Variants in SIRT3 observed in about 807,000 individuals in gnomAD.
SIRT3 encodes NAD-dependent protein deacetylase sirtuin-3, mitochondrial.
A neutral mutation model predicts 33.5 loss-of-function variants in SIRT3; 26 were observed. The ratio of observed to expected loss-of-function variants is 0.78; its 90% CI spans 0.57 to 1.08. The LOEUF is 1.08. Among genes scored for constraint, SIRT3 ranks in the 50% least tolerant of loss-of-function variants. The probability of loss-of-function intolerance (pLI) is 0.00; values close to 1 mark genes in which losing one functional copy is unlikely to be tolerated. For missense variants in SIRT3, 585 were observed against 530.1 expected (o/e 1.10, Z -1.02); for synonymous variants, 237 against 222.1 (o/e 1.07, Z -0.60).
chr11:233,175 C>G lies in SIRT3; in HGVS notation c.514G>C (p.Asp172His), dbSNP rs766584758. 1.9e-6 allele frequency: 3 copies of G among 1,613,922 alleles called. No individual in the cohort carries two copies. Among genetic ancestry groups the G allele is most frequent in the South Asian group, 2.2e-5 (2 of 91,078 alleles). ...SGLYSNLQQY[D>H]LPYPEAIFEL... Reference sequence around the variant, plus strand: ...AAAATGGCCTCGGGGTACGGGAGATCGTACTGCTGGAGGTTGCTGTACAGG... The same window carrying G: ...AAAATGGCCTCGGGGTACGGGAGATGGTACTGCTGGAGGTTGCTGTACAGG... The change falls in exon 3 of 7, where the codon GAT becomes CAT. Residue 172 changes from aspartate to histidine, a missense_variant. By Grantham distance (81) the Asp-to-His change is moderately conservative. Coordinates refer to ENST00000382743, the MANE Select transcript of SIRT3 (RefSeq NM_012239.6).
At chr11:234,659 CCCGTCTCGG>C (rs1421831937) in intron 1 of SIRT3, among the ~76,000 whole-genome samples, 1 of 152,206 alleles carries the variant, frequency 6.6e-6, no homozygotes, top group Non-Finnish European at 1.5e-5. Flanking sequence ...TCGTGATCCG[CCCGTCTCGG>C]CCTTCCAAAG....
At chr11:229,059 A>G (rs1005068560) in intron 4 of SIRT3, among the ~76,000 whole-genome samples, 2 of 152,240 alleles carry the variant, frequency 1.3e-5, no homozygotes, top group Non-Finnish European at 2.9e-5. Context: ...TAAAAAATGG[A>G]AAGTAAGTGT....
chr11:233,570 T>C lies in SIRT3; in HGVS notation c.282-36A>G, dbSNP rs201637804. The C allele has an allele frequency of 1.2e-5, 20 of 1,602,894 alleles. No homozygotes were observed. The South Asian group carries it at 1.9e-4, about 15-fold the overall frequency. On this transcript the variant is annotated intron_variant, in intron 1 of 6. Coordinates refer to ENST00000382743, the MANE Select transcript of SIRT3 (RefSeq NM_012239.6). Reference sequence around the variant, plus strand: ...AAAACACAGCAGCAAAGGAAACAGATAGCAACCAATCTCAGGATAGCAAGA... The same window carrying C: ...AAAACACAGCAGCAAAGGAAACAGACAGCAACCAATCTCAGGATAGCAAGA...
At chr11:231,110 G>A (rs1222461550) in intron 3 of SIRT3, among the ~76,000 whole-genome samples, 1 of 136,912 alleles carries the variant, frequency 7.3e-6, no homozygotes, top group African/African-American at 2.8e-5. Context: ...GGGTAAGAGA[G>A]CGAGATTCTG....
intron 6 of SIRT3, 38 bp downstream of exon 6, chr11:218,794 G>A: frequency 6.2e-7 from 1 of 1,614,028 alleles, no homozygotes; most frequent in Non-Finnish European, 8.5e-7. Context: ...GCAGTGAGAA[G>A]GGCAGCCCCT....
At chr11:230,338 T>C (rs1857760204) in intron 4 of SIRT3, 114 bp downstream of exon 4, 1 of 493,574 alleles carries the variant, frequency 2.0e-6, no homozygotes, top group Non-Finnish European at 3.4e-6. Context: ...AAATAAAATG[T>C]TTCACACTAT....
Position 224,064 on chromosome 11 carries a change from G to T in SIRT3, c.969+14C>A, listed in dbSNP as rs201895298. 9 of 1,613,542 alleles carry T rather than the reference G, an allele frequency of 5.6e-6. No individual in the cohort carries two copies. Among genetic ancestry groups the T allele is most frequent in the Non-Finnish European group, 7.6e-6 (9 of 1,179,832 alleles). On this transcript the variant is annotated intron_variant, in intron 5 of 6. Coordinates refer to ENST00000382743, the MANE Select transcript of SIRT3 (RefSeq NM_012239.6). Reference sequence around the variant, plus strand: ...GCCCTCCAGCCTCCTCCCTGCACAGGCCTGCTGACAAACCTCCAGGGAGGT... The same window carrying T: ...GCCCTCCAGCCTCCTCCCTGCACAGTCCTGCTGACAAACCTCCAGGGAGGT...
chr11:232,943 G>C (rs199727024), intron 3 of SIRT3, 40 bp downstream of exon 3: 5 of 1,591,198 alleles, frequency 3.1e-6, no homozygotes, highest in Non-Finnish European at 3.4e-6. Context: ...CCGAGCCTCC[G>C]TGGGAGAAAA....
At position 215,420 on chromosome 11, in the gene SIRT3, C is replaced by T. The variant is rs1043355430; in HGVS notation, c.*1278G>A. On this transcript the variant is annotated 3_prime_UTR_variant, in exon 7 of 7. Transcript: ENST00000382743. ...CAAGACTCAAAAAATAAAAAAGGAA[C>T]ATTAACTAGGGTTAGAAACTAACTT... is the stretch of plus-strand genomic sequence containing the variant. 2 of 152,168 alleles carry T rather than the reference C, an allele frequency of 1.3e-5. No individual in the cohort carries two copies. Among genetic ancestry groups the T allele is most frequent in the African/African-American group, 2.4e-5 (1 of 41,442 alleles). 9.4% of individuals were successfully genotyped at this position (152,168 alleles called of 1,614,324 possible).
rs889635489 is a variant in SIRT3 at position 233,718 on chromosome 11, T to A, written c.282-184A>T. On this transcript the variant is annotated intron_variant, in intron 1 of 6. Coordinates refer to ENST00000382743, the MANE Select transcript of SIRT3 (RefSeq NM_012239.6). ...ATTGGGGTACAACAAAAAGCAGTCA[T>A]AAATCAGAAATCAAGACTTACTTGG... The A allele has an allele frequency of 1.3e-5, 8 of 616,010 alleles. No individual in the cohort carries two copies. In the African/African-American group the frequency reaches 1.5e-4, roughly 11 times the overall value. The allele number at this position is 616,010 out of a possible 1,614,324, so 38.2% of individuals were successfully genotyped here. A position where few individuals can be genotyped will look rare whatever the true frequency, so the allele number is the denominator to read the frequency against.
intron 3 of SIRT3, 73 bp from the exon 4 acceptor site, chr11:230,625 T>C: frequency 9.0e-7 from 1 of 1,111,842 alleles, no homozygotes; most frequent in Non-Finnish European, 1.2e-6. Flanking sequence ...GCACAACTTC[T>C]GGGCTTGGCA....
At position 236,152 on chromosome 11, in the gene SIRT3, C is replaced by A; in HGVS notation, c.177G>T (p.Glu59Asp). Residue 59 changes from glutamate (E) to aspartate (D), a missense_variant, in exon 1 of 7, where the codon GAG (glutamate) becomes GAT (aspartate). Physicochemically the swap from Glu to Asp is conservative, Grantham distance 45. Coordinates refer to ENST00000382743, the MANE Select transcript of SIRT3 (RefSeq NM_012239.6). The part of the protein sequence containing the change: ...GLRGSHGARG[E>D]PLDPARPLQR... ...GCAAGGGGCGCGCCGGGTCCAAGGG[C>A]TCACCGCGGGCCCCATGGCTGCCTC... 6.4e-7 allele frequency: 1 copy of A among 1,570,240 alleles called. No individual in the cohort carries two copies. Among genetic ancestry groups the A allele is most frequent in the Admixed American group, 1.8e-5 (1 of 54,164 alleles).
upstream of SIRT3, chr11:236,408 CCCGGCG>C: frequency 2.0e-6 from 2 of 999,908 alleles, no homozygotes; most frequent in Non-Finnish European, 2.4e-6. Flanking sequence ...CACCCCCGCC[CCCGGCG>C]CCCCAGCCCC....
chr11:232,800 C>T (rs767835808), intron 3 of SIRT3, among the ~76,000 whole-genome samples, 183 bp downstream of exon 3: 1 of 152,110 alleles, frequency 6.6e-6, no homozygotes, highest in Non-Finnish European at 1.5e-5. Context: ...GGGAACAAAG[C>T]CCTAACTAGT....
At chr11:226,754 A>ATTT (rs1483012577) in intron 4 of SIRT3, among the ~76,000 whole-genome samples, 1 of 78,590 alleles carries the variant, frequency 1.3e-5, no homozygotes, top group African/African-American at 9.3e-5. Context: ...AATTATTATT[A>ATTT]TTATTTTTTT....
At position 226,440 on chromosome 11, in the gene SIRT3, G is replaced by A. The variant is rs574280802; in HGVS notation, c.808-2201C>T. Reference sequence around the variant, plus strand: ...TTTTATTTTTTTGAGATGGCATCTCGCTCTGTCACCCAGGCTGGAGTGCAG... The same window carrying A: ...TTTTATTTTTTTGAGATGGCATCTCACTCTGTCACCCAGGCTGGAGTGCAG... On this transcript the variant is annotated intron_variant, in intron 4 of 6. Coordinates refer to ENST00000382743, the MANE Select transcript of SIRT3 (RefSeq NM_012239.6). Among the ~76,000 whole-genome samples the A allele has an allele frequency of 6.6e-5, 10 of 152,092 alleles. No homozygotes were observed. The South Asian group carries it at 1.9e-3, about 28-fold the overall frequency.
At chr11:222,156 GCTC>G (rs1856525771) in intron 5 of SIRT3, among the ~76,000 whole-genome samples, 1 of 152,074 alleles carries the variant, frequency 6.6e-6, no homozygotes, top group Admixed American at 6.6e-5. Context: ...CCCTCTGACT[GCTC>G]CTCCTGTGTC....
At chr11:227,092 T>C (rs1404432223) in intron 4 of SIRT3, among the ~76,000 whole-genome samples, 1 of 151,716 alleles carries the variant, frequency 6.6e-6, no homozygotes, top group African/African-American at 2.4e-5. Context: ...AGAAAATTCA[T>C]ATGGAAAACC....
At position 232,983 on chromosome 11, in the gene SIRT3, C is replaced by T; in HGVS notation, c.706G>A (p.Val236Met). ...TGTGTGCGACTCACAGAGGGCTCAC[C>T]TCTCTCAAGCCCATCGATGTTCTGC... ...YTQNIDGLERVSGIPASKLVE... is the reference protein window; with the variant it reads ...YTQNIDGLERMSGIPASKLVE... Residue 236 changes from valine (V) to methionine (M), a missense_variant and splice_region_variant, in exon 3 of 7, where the codon GTG becomes ATG. By Grantham distance (21) the Val-to-Met change is conservative. Coordinates refer to ENST00000382743, the MANE Select transcript of SIRT3 (RefSeq NM_012239.6). The T allele has an allele frequency of 1.2e-6, 2 of 1,613,674 alleles. No homozygotes were observed. Among genetic ancestry groups the T allele is most frequent in the Non-Finnish European group, 8.5e-7 (1 of 1,179,624 alleles).
Sources: gnomAD v4.1 joint callset for allele counts (sites outside exome capture counted in the v4.1 genomes callset) on GRCh38, gnomAD v4.1.1 for gene constraint, MANE v1.5 for transcripts, NCBI Gene and HGNC (gene_info 2026-07-23, HGNC 2026-07-21) for gene names.